ALG1: variants seen among roughly 807,000 people sequenced by gnomAD.
ALG1 encodes chitobiosyldiphosphodolichol beta-mannosyltransferase.
A neutral mutation model predicts 55.1 loss-of-function variants in ALG1; 58 were observed. That is an observed-to-expected ratio of 1.05 (90% CI 0.85 to 1.31). ALG1 has a LOEUF of 1.31. Ranked by LOEUF, ALG1 falls within the 50% of genes most tolerant of loss-of-function variation. The pLI, the probability that ALG1 is intolerant of heterozygous loss-of-function variation, is 0.00. For synonymous variants in ALG1, 309 were observed against 247.0 expected (o/e 1.25, Z -2.35); for missense variants, 761 against 598.6 (o/e 1.27, Z -2.83).
rs1956866695 is a variant in ALG1 at position 5,074,069 on chromosome 16, C to CT, written c.390+816dup. ...ATCACTTTTTCTTTAAAAAATTTTT[C>CT]TTTCTTTTCTAGCTGAAGGAAGAAT... On this transcript the variant is annotated intron_variant, in intron 3 of 12. Transcript: ENST00000262374. 4.7e-5 allele frequency among the ~76,000 whole-genome samples: 7 copies of CT among 149,618 alleles called. No individual in the cohort carries two copies. In the South Asian group the frequency reaches 1.5e-3, roughly 31 times the overall value.
At chr16:5,083,216 C>T (rs1957046731) in intron 11 of ALG1, among the ~76,000 whole-genome samples, 1 of 152,142 alleles carries the variant, frequency 6.6e-6, no homozygotes, top group South Asian at 2.1e-4. Context: ...AAGTTGAGCC[C>T]TTGGCCCCTG....
In ALG1 at chr16:5,080,994, A is replaced by G. The variant is rs748828040; in HGVS notation, c.1010A>G (p.His337Arg). The G allele has an allele frequency of 6.3e-7, 1 of 1,596,124 alleles. No individual in the cohort carries two copies. Among genetic ancestry groups the G allele is most frequent in the South Asian group, 1.1e-5 (1 of 90,988 alleles). Residue 337 changes from histidine to arginine, a missense_variant, in exon 10 of 13, where the codon CAC becomes CGC. By Grantham distance (29) the His-to-Arg change is conservative. Coordinates refer to ENST00000262374, the MANE Select transcript of ALG1 (RefSeq NM_019109.5). ...EYYSRLIHQK[H>R]FQHIQVCTPW... ...TATAGCCGCCTCATCCACCAGAAGC[A>G]CTTCCAGCACATCCAGGTCTGCACC...
intron 3 of ALG1, 126 bp downstream of exon 3, chr16:5,073,382 G>A (rs1313843670): frequency 2.5e-6 from 2 of 809,652 alleles, no homozygotes; most frequent in Admixed American, 2.0e-5. Flanking sequence ...AAAGACATGA[G>A]TAGGAGCCTA....
intron 3 of ALG1, among the ~76,000 whole-genome samples, chr16:5,074,543 C>G (rs1293273665): frequency 6.6e-6 from 1 of 152,180 alleles, no homozygotes; most frequent in Admixed American, 6.6e-5. Context: ...CAGATTCTTC[C>G]TGATTTTGTT....
At chr16:5,072,461 T>G in intron 1 of ALG1, 1 of 405,192 alleles carries the variant, frequency 2.5e-6, no homozygotes, top group African/African-American at 2.0e-5. Flanking sequence ...TTGTTCTTCA[T>G]GTCCAGCTTT....
At position 5,081,380 on chromosome 16, in the gene ALG1, C is replaced by T. The variant is rs537250296; in HGVS notation, c.1072+324C>T. ...GGGAGGGCAGTGGCTTTGGGAGGTA[C>T]GGGGACGATGTGTCAAACAGCGTCG... is the stretch of plus-strand genomic sequence containing the variant. On this transcript the variant is annotated intron_variant, in intron 10 of 12. Coordinates refer to ENST00000262374, the MANE Select transcript of ALG1 (RefSeq NM_019109.5). Among the ~76,000 whole-genome samples, 117 of 152,344 alleles carry T rather than the reference C, an allele frequency of 7.7e-4. 2 individuals are homozygous for T. In the South Asian group the frequency reaches 0.018, roughly 23 times the overall value.
Position 5,076,222 on chromosome 16 carries a change from G to A in ALG1, c.539+686G>A, listed in dbSNP as rs928591859. Among the ~76,000 whole-genome samples the A allele has an allele frequency of 2.5e-4, 38 of 152,332 alleles. 1 individual carries two copies. The highest frequency in any genetic ancestry group is 7.7e-4 in the East Asian group (4 of 5,180). On this transcript the variant is annotated intron_variant, in intron 4 of 12. Transcript: ENST00000262374. The stretch of plus-strand genomic sequence containing the variant: ...GCCTTCAGGTGCACATCCAGCCTCC[G>A]TGTGCATGTCCAGCTGCTGCGTGTA...
intron 8 of ALG1, 66 bp downstream of exon 8, chr16:5,079,168 C>G: frequency 6.3e-7 from 1 of 1,576,442 alleles, no homozygotes; most frequent in Non-Finnish European, 8.6e-7. Flanking sequence ...AAGCTGCTTG[C>G]CTGGCCTGCA....
chr16:5,072,381 T>C (rs1567165849), intron 1 of ALG1: 5 of 709,886 alleles, frequency 7.0e-6, no homozygotes, highest in Admixed American at 3.3e-5. Flanking sequence ...CTTGTCAGGC[T>C]ATGTCTGAGC....
At chr16:5,079,590 G>A (rs1269712435) in intron 8 of ALG1, among the ~76,000 whole-genome samples, 158 bp from the exon 9 acceptor site, 1 of 152,074 alleles carries the variant, frequency 6.6e-6, no homozygotes, top group Non-Finnish European at 1.5e-5. Context: ...TTGGGAGGCT[G>A]ATGCACGAGA....
rs778784919 is a variant in ALG1 at position 5,071,866 on chromosome 16, T to G, written c.17T>G (p.Leu6Trp). The G allele has an allele frequency of 6.2e-7, 1 of 1,604,940 alleles. No homozygotes were observed. Among genetic ancestry groups the G allele is most frequent in the Non-Finnish European group, 8.5e-7 (1 of 1,178,522 alleles). The change falls in exon 1 of 13, where the codon TTG becomes TGG. Residue 6 changes from leucine (L) to tryptophan (W), a missense_variant. Leu to Trp is a moderately conservative substitution (Grantham distance 61, BLOSUM62 -2). Coordinates refer to ENST00000262374, the MANE Select transcript of ALG1 (RefSeq NM_019109.5). Reference protein sequence around the residue: MAASCLVLLALCLLLP... With the variant: MAASCWVLLALCLLLP... ...CCAGCCAAGATGGCGGCCTCATGCT[T>G]GGTCCTGCTGGCGCTGTGTCTGCTG...
At position 5,082,590 on chromosome 16, in the gene ALG1, G is replaced by A. The variant is rs1315375927; in HGVS notation, c.1104G>A (p.Thr368=). The change falls in exon 11 of 13, where the codon ACG becomes ACA. Residue 368 remains threonine, a synonymous_variant. Transcript: ENST00000262374. The part of the protein sequence containing the change: ...GSADLGVCLH[T]SSSGLDLPMK... ...CGGACCTGGGTGTCTGTCTGCACAC[G>A]TCCTCCAGTGGCCTGGACCTGCCCA... is the stretch of plus-strand genomic sequence containing the variant. 5 of 1,611,912 alleles carry A rather than the reference G, an allele frequency of 3.1e-6. No individual in the cohort carries two copies. The highest frequency in any genetic ancestry group is 1.3e-5 in the African/African-American group (1 of 74,864).
At chr16:5,074,563 A>G (rs1956874548) in intron 3 of ALG1, among the ~76,000 whole-genome samples, 1 of 152,162 alleles carries the variant, frequency 6.6e-6, no homozygotes, top group African/African-American at 2.4e-5. Flanking sequence ...TTTTACTTTT[A>G]CAAATAGTGT....
intron 1 of ALG1, among the ~76,000 whole-genome samples, chr16:5,072,634 GACTT>G (rs1956837397): frequency 6.6e-6 from 1 of 152,122 alleles, no homozygotes; most frequent in South Asian, 2.1e-4. Flanking sequence ...GGTAGAGTGG[GACTT>G]CCTAGGGATG....
Position 5,085,069 on chromosome 16 carries a change from C to A in ALG1, c.*188C>A, listed in dbSNP as rs943596760. On this transcript the variant is annotated 3_prime_UTR_variant, in exon 13 of 13. Coordinates refer to ENST00000262374, the MANE Select transcript of ALG1 (RefSeq NM_019109.5). ...AAGCTTTGGTTGGCCTTGATTTCTT[C>A]TCTGGAGGCTTGGAAACGCTTCCTC... The A allele has an allele frequency of 1.9e-6, 2 of 1,065,836 alleles. No homozygotes were observed. Among genetic ancestry groups the A allele is most frequent in the African/African-American group, 3.2e-5 (2 of 63,120 alleles). The allele number at this position is 1,065,836 out of a possible 1,614,324, so 66.0% of individuals were successfully genotyped here.
At chr16:5,072,376 C>A in intron 1 of ALG1, 1 of 746,084 alleles carries the variant, frequency 1.3e-6, no homozygotes, top group Non-Finnish European at 2.0e-6. Flanking sequence ...CTACCCTTGT[C>A]AGGCTATGTC....
chr16:5,077,471 C>T lies in ALG1; in HGVS notation c.566C>T (p.Ser189Phe). The T allele has an allele frequency of 1.2e-6, 2 of 1,614,154 alleles. No homozygotes were observed. Among genetic ancestry groups the T allele is most frequent in the Non-Finnish European group, 1.7e-6 (2 of 1,180,026 alleles). Residue 189 changes from serine (S) to phenylalanine (F), a missense_variant, in exon 5 of 13, where the codon TCC (serine) becomes TTC (phenylalanine). Physicochemically the swap from Ser to Phe is radical, Grantham distance 155 (BLOSUM62 -2). Transcript: ENST00000262374. ...KWYEKFFGRL[S>F]HLNLCVTNAM... ...TACGAGAAGTTCTTTGGGCGCCTGT[C>T]CCACCTGAACCTGTGTGTTACCAAT...
At chr16:5,083,141 C>G (rs1276568279) in intron 11 of ALG1, among the ~76,000 whole-genome samples, 1 of 152,094 alleles carries the variant, frequency 6.6e-6, no homozygotes, top group African/African-American at 2.4e-5. Flanking sequence ...CTCACTGCAC[C>G]CAGCGTAGAC....
In ALG1 at chr16:5,079,778, A is replaced by G. The variant is rs549071467; in HGVS notation, c.932A>G (p.Asn311Ser). 7.4e-6 allele frequency: 12 copies of G among 1,611,708 alleles called. No individual in the cohort carries two copies. In the African/African-American group the frequency reaches 1.2e-4, roughly 16 times the overall value. ...GAACAACTGACTCTTGATGGACACA[A>G]CCTTCCTTCTCTCGTCTGTGTGATA... ...KFEQLTLDGH[N>S]LPSLVCVITG... Residue 311 changes from asparagine to serine, a missense_variant, in exon 9 of 13, where the codon AAC becomes AGC. Physicochemically the swap from Asn to Ser is conservative, Grantham distance 46. Coordinates refer to ENST00000262374, the MANE Select transcript of ALG1 (RefSeq NM_019109.5).
Sources: gnomAD v4.1 joint callset for allele counts (sites outside exome capture counted in the v4.1 genomes callset) on GRCh38, gnomAD v4.1.1 for gene constraint, MANE v1.5 for transcripts, NCBI Gene and HGNC (gene_info 2026-07-23, HGNC 2026-07-21) for gene names.